Variants in CFAP46 observed in about 807,000 individuals in gnomAD.
The protein encoded by CFAP46 is cilia- and flagella-associated protein 46.
Under a neutral mutation model 325.7 loss-of-function variants are expected in CFAP46, and 245 were observed. The ratio of observed to expected loss-of-function variants is 0.75; its 90% CI spans 0.68 to 0.84. The LOEUF (loss-of-function observed/expected upper bound fraction) is 0.84. Among genes scored for constraint, CFAP46 ranks in the 40% least tolerant of loss-of-function variants. The pLI is 0.00. For synonymous variants in CFAP46, 1,523 were observed against 1,495.9 expected, an observed-to-expected ratio of 1.02 and a Z score of -0.42; for missense variants, 3,346 against 3,543.0, an observed-to-expected ratio of 0.94 and a Z score of 1.41.
At position 132,884,930 on chromosome 10, in the gene CFAP46, C is replaced by G. The variant is rs148076832; in HGVS notation, c.3627+173G>C. ...AACCAGCTCCATCCCTCGTCCCTGA[C>G]TGGTCAGCAAGAGGAGTGCCCGGGG... On this transcript the variant is annotated intron_variant, in intron 27 of 57. Coordinates refer to ENST00000368586, the MANE Select transcript of CFAP46 (RefSeq NM_001200049.3). The surrounding 1 kb of genome is among the most constrained non-coding windows in gnomAD (Gnocchi z 5.4). 9.8e-4 allele frequency among the ~76,000 whole-genome samples: 149 copies of G among 152,330 alleles called. 1 individual carries two copies. In the East Asian group the frequency reaches 0.025, roughly 26 times the overall value.
intron 50 of CFAP46, among the ~76,000 whole-genome samples, chr10:132,822,425 T>A (rs911359182): frequency 7.1e-6 from 1 of 140,438 alleles, no homozygotes; most frequent in Non-Finnish European, 1.5e-5. Flanking sequence ...GTGTGTGTGG[T>A]GATGTGTGCT....
intron 25 of CFAP46, among the ~76,000 whole-genome samples, chr10:132,887,834 TTCTCTCTCCTCTCCTCTCCC>T (rs1564790892): frequency 5.8e-4 from 39 of 66,814 alleles, no homozygotes; most frequent in Non-Finnish European, 7.8e-4. Context: ...CTCTCCCTTC[TTCTCTCTCCTCTCCTCTCCC>T]CTTCTCTCCT....
chr10:132,851,025 G>T, intron 40 of CFAP46, 92 bp downstream of exon 40: 2 of 1,484,784 alleles, frequency 1.3e-6, no homozygotes, highest in South Asian at 1.1e-5. Flanking sequence ...GGTGCACAGT[G>T]GTGGAGACGG....
chr10:132,836,390 C>T (rs111920857), intron 45 of CFAP46, among the ~76,000 whole-genome samples, 172 bp from the exon 46 acceptor site: 29 of 152,180 alleles, frequency 1.9e-4, no homozygotes, highest in African/African-American at 6.7e-4. Context: ...TGTGCATGGC[C>T]GGTCAGGACG....
In CFAP46 at chr10:132,929,742, G is replaced by A; in HGVS notation, c.929C>T (p.Ser310Phe). 1.9e-6 allele frequency: 3 copies of A among 1,613,836 alleles called. No individual in the cohort carries two copies. The highest frequency in any genetic ancestry group is 2.5e-6 in the Non-Finnish European group (3 of 1,179,936). ...CTTCTTCAGGTCTGAGAGGCAGGCAGAGGAGATCTCCATGCATTTCAAGGT... is the reference window on the plus strand; with the variant it reads ...CTTCTTCAGGTCTGAGAGGCAGGCAAAGGAGATCTCCATGCATTTCAAGGT... Reference protein sequence around the residue: ...SLTLKCMEISSACLSDLKKME... With the variant: ...SLTLKCMEISFACLSDLKKME... The change falls in exon 9 of 58, where the codon TCT (serine) becomes TTT (phenylalanine). Residue 310 changes from serine (S) to phenylalanine (F), a missense_variant. Physicochemically the swap from Ser to Phe is radical, Grantham distance 155. Coordinates refer to ENST00000368586, the MANE Select transcript of CFAP46 (RefSeq NM_001200049.3).
chr10:132,920,910 G>C (rs1462863374), intron 13 of CFAP46, among the ~76,000 whole-genome samples: 1 of 152,254 alleles, frequency 6.6e-6, no homozygotes, highest in African/African-American at 2.4e-5. Flanking sequence ...AGTGAAAGGA[G>C]TCAGGAAGGC....
rs1008007818 is a variant in CFAP46 at position 132,817,714 on chromosome 10, C to T, written c.7118-2800G>A. 6.6e-6 allele frequency among the ~76,000 whole-genome samples: 1 copy of T among 152,222 alleles called. No homozygotes were observed. Among genetic ancestry groups the T allele is most frequent in the Non-Finnish European group, 1.5e-5 (1 of 68,044 alleles). ...GACACTCAAGGCTCTAGATCACCGGCAGCCCGGCTTTCAGTGACTCTGTGG... is the reference window on the plus strand; with the variant it reads ...GACACTCAAGGCTCTAGATCACCGGTAGCCCGGCTTTCAGTGACTCTGTGG... On this transcript the variant is annotated intron_variant, in intron 50 of 57. Coordinates refer to ENST00000368586, the MANE Select transcript of CFAP46 (RefSeq NM_001200049.3). This position sits in a 1 kb window ranked among gnomAD's most constrained non-coding sequence, Gnocchi z 4.4.
chr10:132,846,848 C>T (rs1401770117), intron 43 of CFAP46, 84 bp downstream of exon 43: 1 of 1,470,914 alleles, frequency 6.8e-7, no homozygotes, highest in Admixed American at 2.4e-5. Flanking sequence ...TGGAGTCCCC[C>T]CAAGGCGAGG....
At chr10:132,934,458 C>T (rs1353479931) in intron 8 of CFAP46, among the ~76,000 whole-genome samples, 1 of 152,226 alleles carries the variant, frequency 6.6e-6, no homozygotes, top group Non-Finnish European at 1.5e-5. Flanking sequence ...TGTTTTCCCA[C>T]CCATGGAACG....
Position 132,859,183 on chromosome 10 carries a change from A to G in CFAP46, c.5263T>C (p.Leu1755=). The stretch of plus-strand genomic sequence containing the variant: ...CCATCATCCATCTCTTTCAGTAGCA[A>G]CGAGCACTCTGTGGGTTCAGTGACC... ...SAVTEPTECS[L]LLKEMDDGLL... Residue 1755 remains leucine (L), a synonymous_variant, in exon 38 of 58, where the codon TTG becomes CTG. Transcript: ENST00000368586. The G allele has an allele frequency of 6.4e-7, 1 of 1,550,580 alleles. No homozygotes were observed. Among genetic ancestry groups the G allele is most frequent in the Non-Finnish European group, 8.7e-7 (1 of 1,146,996 alleles).
At chr10:132,814,300 C>A in intron 53 of CFAP46, 46 bp from the exon 54 acceptor site, 1 of 1,502,852 alleles carries the variant, frequency 6.7e-7, no homozygotes, top group Non-Finnish European at 9.2e-7. Context: ...TTTCATCAGA[C>A]ACGGGTGTGC....
At chr10:132,924,917 G>A (rs898272686) in intron 10 of CFAP46, 31 bp from the exon 11 acceptor site, 21 of 1,361,742 alleles carry the variant, frequency 1.5e-5, no homozygotes, top group Middle Eastern at 1.9e-4. Context: ...ATTCTAGGGA[G>A]GTTGCTGGCT....
intron 22 of CFAP46, 198 bp downstream of exon 22, chr10:132,908,270 C>T (rs1275997258): frequency 2.6e-5 from 16 of 615,788 alleles, no homozygotes; most frequent in African/African-American, 1.1e-4. Context: ...CGCCCAGGCC[C>T]GCGCTCCCTG....
chr10:132,878,609 G>A (rs907740725), intron 29 of CFAP46, among the ~76,000 whole-genome samples: 1 of 152,190 alleles, frequency 6.6e-6, no homozygotes, highest in Non-Finnish European at 1.5e-5. Flanking sequence ...GAATAACATT[G>A]AGCAATTCTC....
At position 132,880,738 on chromosome 10, in the gene CFAP46, G is replaced by A. The variant is rs1849029065; in HGVS notation, c.3799+123C>T. ...AGGACAGCGCTGAGACACGTCAGGG[G>A]CTCCTGGCCTCCAAAGCCTGCACAG... On this transcript the variant is annotated intron_variant, in intron 28 of 57. Coordinates refer to ENST00000368586, the MANE Select transcript of CFAP46 (RefSeq NM_001200049.3). 2.5e-6 allele frequency: 3 copies of A among 1,187,024 alleles called. No homozygotes were observed. The South Asian group carries it at 4.5e-5, about 18-fold the overall frequency. 73.5% of individuals were successfully genotyped at this position (1,187,024 alleles called of 1,614,324 possible).
chr10:132,829,617 G>A (rs560390163), intron 50 of CFAP46, among the ~76,000 whole-genome samples: 3 of 152,342 alleles, frequency 2.0e-5, no homozygotes, highest in Non-Finnish European at 4.4e-5. Context: ...CTTAGGGGAT[G>A]GCCTCAGCCT....
In CFAP46 at chr10:132,877,834, A is replaced by G. The variant is rs1163677242; in HGVS notation, c.4212+47T>C. ...CTGACAGGCAGGGAAACTGAGGCAC[A>G]GGCCATCCTGGGCCCGGCCTCTGCA... On this transcript the variant is annotated intron_variant, in intron 30 of 57. Coordinates refer to ENST00000368586, the MANE Select transcript of CFAP46 (RefSeq NM_001200049.3). This position sits in a 1 kb window ranked among gnomAD's most constrained non-coding sequence, Gnocchi z 5.7. The G allele has an allele frequency of 3.9e-6, 6 of 1,534,398 alleles. No homozygotes were observed. The highest frequency in any genetic ancestry group is 4.4e-6 in the Non-Finnish European group (5 of 1,139,214).
intron 27 of CFAP46, among the ~76,000 whole-genome samples, chr10:132,881,264 G>A (rs181761826): frequency 7.9e-5 from 12 of 152,278 alleles, no homozygotes; most frequent in South Asian, 4.1e-4. Flanking sequence ...GCAGCTTGGC[G>A]AATTCCTTCC....
chr10:132,814,933 A>C lies in CFAP46; in HGVS notation c.7118-19T>G. 1 of 1,613,576 alleles carries C rather than the reference A, an allele frequency of 6.2e-7. No individual in the cohort carries two copies. Among genetic ancestry groups the C allele is most frequent in the Non-Finnish European group, 8.5e-7 (1 of 1,179,540 alleles). Reference sequence around the variant, plus strand: ...CCACCTTCTGTTGAAGACAAGAAAGAGGCAGGGATGTTTGGCAGCAGCTCG... The same window carrying C: ...CCACCTTCTGTTGAAGACAAGAAAGCGGCAGGGATGTTTGGCAGCAGCTCG... On this transcript the variant is annotated intron_variant, in intron 50 of 57. Coordinates refer to ENST00000368586, the MANE Select transcript of CFAP46 (RefSeq NM_001200049.3).
Sources: gnomAD v4.1 joint callset for allele counts (sites outside exome capture counted in the v4.1 genomes callset) on GRCh38, gnomAD v4.1.1 for gene constraint, Gnocchi (gnomAD v3.1) non-coding constraint, MANE v1.5 for transcripts, NCBI Gene and HGNC (gene_info 2026-07-23, HGNC 2026-07-21) for gene names.